Variants in ADGRB1 observed in about 807,000 individuals in gnomAD.
ADGRB1 encodes brain-specific angiogenesis inhibitor 1.
Under a neutral mutation model 175.7 loss-of-function variants are expected in ADGRB1, and 36 were observed. The ratio of observed to expected loss-of-function variants is 0.20; its 90% confidence interval spans 0.16 to 0.27. The LOEUF (loss-of-function observed/expected upper bound fraction) is 0.27, where lower values mean the gene tolerates loss of function less well. Ranked by LOEUF, ADGRB1 falls within the 10% of genes least tolerant of loss-of-function variation. ADGRB1 has a pLI of 1.00. For missense variants in ADGRB1, 1,731 were observed against 2,255.3 expected (o/e 0.77, Z 4.71); for synonymous variants, 1,054 against 979.4 (o/e 1.08, Z -1.42).
chr8:142,468,143 G>A (rs942645723), intron 2 of ADGRB1, among the ~76,000 whole-genome samples: 4 of 152,328 alleles, frequency 2.6e-5, no homozygotes, highest in African/African-American at 7.2e-5. Context: ...TGCATGCATG[G>A]CATACATGTG....
At chr8:142,528,304 G>A (rs28626656) in intron 24 of ADGRB1, among the ~76,000 whole-genome samples, 48,460 of 151,986 alleles carry the variant, frequency 0.32, 8,906 homozygotes, top group East Asian at 0.5. Context: ...TCAGCTGAGC[G>A]CAGGGACCCC....
At chr8:142,458,623 C>A (rs1001116134) in intron 1 of ADGRB1, among the ~76,000 whole-genome samples, 13 of 152,104 alleles carry the variant, frequency 8.5e-5, no homozygotes, top group Non-Finnish European at 1.8e-4. Flanking sequence ...CAGCCCAGGC[C>A]CTCACCCTGT....
In ADGRB1 at chr8:142,464,170, G is replaced by A. The variant is rs1840115249; in HGVS notation, c.-29G>A. The stretch of plus-strand genomic sequence containing the variant: ...TGGTCCGCGCCTGCCTGCCCAGCCC[G>A]CGGAACCCCGGCGGCCCCGCGAGCT... On this transcript the variant is annotated 5_prime_UTR_variant, in exon 2 of 31. Transcript: ENST00000517894. 1.8e-6 allele frequency: 2 copies of A among 1,094,914 alleles called. No individual in the cohort carries two copies. Among genetic ancestry groups the A allele is most frequent in the Admixed American group, 5.5e-5 (1 of 18,074 alleles). The allele number at this position is 1,094,914 out of a possible 1,614,324, so 67.8% of individuals were successfully genotyped here.
chr8:142,528,581 G>A (rs1844374546), intron 24 of ADGRB1, among the ~76,000 whole-genome samples: 2 of 151,946 alleles, frequency 1.3e-5, no homozygotes, highest in Non-Finnish European at 2.9e-5. Flanking sequence ...GCGCCCTCAA[G>A]TGTGCCGAGT....
intron 2 of ADGRB1, among the ~76,000 whole-genome samples, chr8:142,470,894 C>T (rs970036291): frequency 6.6e-6 from 1 of 152,186 alleles, no homozygotes; most frequent in Non-Finnish European, 1.5e-5. Flanking sequence ...AGGCTCAGCC[C>T]CAACCCCAGG....
intron 18 of ADGRB1, among the ~76,000 whole-genome samples, chr8:142,514,308 C>T (rs1201792059): frequency 6.6e-6 from 1 of 151,904 alleles, no homozygotes; most frequent in Non-Finnish European, 1.5e-5. Flanking sequence ...GAGGTGAGAC[C>T]CACGAGTCCT....
chr8:142,482,964 G>C (rs945275870), intron 11 of ADGRB1, among the ~76,000 whole-genome samples: 1 of 143,118 alleles, frequency 7.0e-6, no homozygotes, highest in African/African-American at 2.7e-5. Context: ...CCCTGACCCT[G>C]GTCACACTGA....
In ADGRB1 at chr8:142,528,431, G is replaced by A. The variant is rs142168127; in HGVS notation, c.3398+1804G>A. On this transcript the variant is annotated intron_variant, in intron 24 of 30. Coordinates refer to ENST00000517894, the MANE Select transcript of ADGRB1 (RefSeq NM_001702.3). ...AGAGCCCCCAGGACCGTCCCTGTTG[G>A]GGCCCAGGCTGGACTCCTGAGGGGC... Among the ~76,000 whole-genome samples, 542 of 152,324 alleles carry A rather than the reference G, an allele frequency of 3.6e-3. 4 individuals are homozygous for A. The highest frequency in any genetic ancestry group is 0.013 in the African/African-American group (523 of 41,572).
intron 23 of ADGRB1, 129 bp from the exon 24 acceptor site, chr8:142,526,413 G>A (rs534580603): frequency 1.2e-6 from 1 of 800,224 alleles, no homozygotes; most frequent in African/African-American, 1.7e-5. Context: ...CTGTGATGGA[G>A]GCACGGGAGG....
In ADGRB1 at chr8:142,504,724, T is replaced by C. The variant is rs979514421; in HGVS notation, c.2676-6208T>C. 3.3e-5 allele frequency among the ~76,000 whole-genome samples: 5 copies of C among 151,996 alleles called. No homozygotes were observed. Among genetic ancestry groups the C allele is most frequent in the Non-Finnish European group, 7.4e-5 (5 of 67,966 alleles). On this transcript the variant is annotated intron_variant, in intron 17 of 30. Transcript: ENST00000517894. The surrounding 1 kb of genome is among the most constrained non-coding windows in gnomAD (Gnocchi z 5.6). ...ATGGATGAAGCATGACTAAGGGGCT[T>C]GTACCTAGGGGTGATCGAGCCGCGT...
Position 142,476,711 on chromosome 8 carries a change from G to A in ADGRB1, c.1057+16G>A. 6.5e-7 allele frequency: 1 copy of A among 1,538,512 alleles called. No homozygotes were observed. Among genetic ancestry groups the A allele is most frequent in the Non-Finnish European group, 8.8e-7 (1 of 1,139,720 alleles). On this transcript the variant is annotated intron_variant, in intron 4 of 30. Coordinates refer to ENST00000517894, the MANE Select transcript of ADGRB1 (RefSeq NM_001702.3). ...CCCCAGACCGGTGAGCTGGCGGGAG[G>A]GGGGTGGGTGGGACTAGGGCTTTGG...
intron 2 of ADGRB1, among the ~76,000 whole-genome samples, chr8:142,468,310 A>G: frequency 6.6e-6 from 1 of 152,132 alleles, no homozygotes; most frequent in East Asian, 1.9e-4. Flanking sequence ...GGCTCTGTGC[A>G]GCGATTTTTG....
At chr8:142,529,834 GTA>G (rs1275380044) in intron 24 of ADGRB1, among the ~76,000 whole-genome samples, 4 of 150,242 alleles carry the variant, frequency 2.7e-5, no homozygotes, top group African/African-American at 4.9e-5. Flanking sequence ...CCCGGTGTGT[GTA>G]TGTGTGAGTG....
intron 24 of ADGRB1, among the ~76,000 whole-genome samples, chr8:142,531,812 G>A (rs1844637867): frequency 1.3e-5 from 2 of 152,206 alleles, no homozygotes; most frequent in Non-Finnish European, 2.9e-5. Flanking sequence ...GGGCCGGATG[G>A]AGGAGAGGAG....
At chr8:142,457,696 G>T (rs1371654546) in intron 1 of ADGRB1, among the ~76,000 whole-genome samples, 3 of 152,166 alleles carry the variant, frequency 2.0e-5, no homozygotes, top group Non-Finnish European at 4.4e-5. Context: ...CACAAGCTGG[G>T]GTAGGACAGG....
intron 1 of ADGRB1, among the ~76,000 whole-genome samples, chr8:142,453,112 G>GC (rs148176481): frequency 1.4e-5 from 2 of 146,204 alleles, no homozygotes; most frequent in African/African-American, 5.0e-5. Flanking sequence ...CTCGGCCGGA[G>GC]CCCCCCTCGC....
At chr8:142,465,110 T>A in intron 2 of ADGRB1, 128 bp downstream of exon 2, 1 of 194,110 alleles carries the variant, frequency 5.2e-6, no homozygotes. Context: ...CGGAGGTGGG[T>A]GGGTAGGGGA....
At chr8:142,475,133 C>T (rs1266375343) in intron 2 of ADGRB1, among the ~76,000 whole-genome samples, 1 of 152,212 alleles carries the variant, frequency 6.6e-6, no homozygotes, top group Non-Finnish European at 1.5e-5. Context: ...CCTTGGAGGC[C>T]AGGCCCCTCT....
In ADGRB1 at chr8:142,537,191, G is replaced by A; in HGVS notation, c.3666+109G>A. ...AGCTCCCCTAGGCCCCAGCAACCCT[G>A]CTGAGAGGAGCTCTGAACCCAGTGT... On this transcript the variant is annotated intron_variant, in intron 26 of 30. Coordinates refer to ENST00000517894, the MANE Select transcript of ADGRB1 (RefSeq NM_001702.3). The surrounding 1 kb of genome is among the most constrained non-coding windows in gnomAD (Gnocchi z 4.6). The A allele has an allele frequency of 7.3e-6, 6 of 820,778 alleles. No homozygotes were observed. The highest frequency in any genetic ancestry group is 3.2e-5 in the East Asian group (1 of 31,290). The allele number at this position is 820,778 out of a possible 1,614,324, so 50.8% of individuals were successfully genotyped here.
Sources: allele counts gnomAD v4.1 joint callset (sites outside exome capture counted in the v4.1 genomes callset), GRCh38; gene constraint gnomAD v4.1.1; non-coding constraint Gnocchi (gnomAD v3.1); transcripts MANE v1.5; gene names NCBI Gene and HGNC (gene_info 2026-07-23, HGNC 2026-07-21).